Variants in XRN2 observed in about 807,000 individuals in gnomAD.
XRN2 encodes the protein DHM1-like protein.
Under a neutral mutation model 138.5 loss-of-function variants are expected in XRN2, and 44 were observed. That is an observed-to-expected ratio of 0.32 (90% CI 0.25 to 0.41). XRN2 has a LOEUF of 0.41. XRN2 is among the 10% of genes least tolerant of loss of function. XRN2 has a pLI of 1.00. For synonymous variants in XRN2, 354 were observed against 369.4 expected, an observed-to-expected ratio of 0.96 and a Z score of 0.48; for missense variants, 937 against 1,169.3, an observed-to-expected ratio of 0.80 and a Z score of 2.90.
chr20:21,348,410 C>T lies in XRN2; in HGVS notation c.1843C>T (p.Arg615Trp), dbSNP rs753036714. 36 of 1,613,802 alleles carry T rather than the reference C, an allele frequency of 2.2e-5. No individual in the cohort carries two copies. Among genetic ancestry groups the T allele is most frequent in the Non-Finnish European group, 2.7e-5 (32 of 1,179,922 alleles). Residue 615 changes from arginine (R) to tryptophan (W), a missense_variant, in exon 19 of 30, where the codon CGG (arginine) becomes TGG (tryptophan). Arg to Trp is a moderately radical substitution (Grantham distance 101, BLOSUM62 -3). Coordinates refer to ENST00000377191, the MANE Select transcript of XRN2 (RefSeq NM_012255.5). ...ASGNFLPPSW[R>W]KLMSDPDSSI... ...TGGTAATTTTCTACCTCCATCATGGCGGAAGCTCATGAGTGATCCTGTGAG... is the reference window on the plus strand; with the variant it reads ...TGGTAATTTTCTACCTCCATCATGGTGGAAGCTCATGAGTGATCCTGTGAG...
At chr20:21,346,608 TTTC>T in intron 17 of XRN2, 58 bp downstream of exon 17, 1 of 1,574,400 alleles carries the variant, frequency 6.4e-7, no homozygotes, top group Non-Finnish European at 8.6e-7. Context: ...AAAATAGTAA[TTTC>T]TTTTTTTTTG....
chr20:21,306,292 G>A (rs1944335438), intron 1 of XRN2, among the ~76,000 whole-genome samples: 1 of 73,022 alleles, frequency 1.4e-5, no homozygotes, highest in African/African-American at 3.8e-5. Flanking sequence ...GCGCCACCAC[G>A]CCCGGCTAAT....
rs527678587 is a variant in XRN2, at chr20:21,304,186, A to G, written c.75+713A>G. Among the ~76,000 whole-genome samples the G allele has an allele frequency of 7.9e-5, 12 of 152,212 alleles. No homozygotes were observed. The South Asian group carries it at 1.0e-3, about 13-fold the overall frequency. The stretch of plus-strand genomic sequence containing the variant: ...TTAATACGTAAGTAGATTTTTGGCC[A>G]TTATTGAGTTTTGTTTTTATTGTTT... On this transcript the variant is annotated intron_variant, in intron 1 of 29. Coordinates refer to ENST00000377191, the MANE Select transcript of XRN2 (RefSeq NM_012255.5).
chr20:21,343,375 C>T (rs925952980), intron 15 of XRN2, among the ~76,000 whole-genome samples: 2 of 151,864 alleles, frequency 1.3e-5, no homozygotes, highest in Non-Finnish European at 1.5e-5. Flanking sequence ...GAAGATAATA[C>T]TGAATTTAAA....
rs544284575 is a variant in XRN2, at chr20:21,362,656, C to A, written c.2256-2765C>A. Among the ~76,000 whole-genome samples, 5 of 152,302 alleles carry A rather than the reference C, an allele frequency of 3.3e-5. No homozygotes were observed. In the South Asian group the frequency reaches 6.2e-4, roughly 19 times the overall value. ...TTGCAAAGGCATCACATTATACTCACACAAACCCTCCATGACCATAACCCA... is the reference window on the plus strand; with the variant it reads ...TTGCAAAGGCATCACATTATACTCAAACAAACCCTCCATGACCATAACCCA... On this transcript the variant is annotated intron_variant, in intron 24 of 29. Transcript: ENST00000377191.
intron 6 of XRN2, among the ~76,000 whole-genome samples, 156 bp from the exon 7 acceptor site, chr20:21,331,405 A>T (rs2038206163): frequency 7.0e-6 from 1 of 142,588 alleles, no homozygotes; most frequent in East Asian, 3.2e-4. Flanking sequence ...TTTTTCACAC[A>T]CACACACACA....
intron 1 of XRN2, among the ~76,000 whole-genome samples, chr20:21,318,365 C>CAA (rs2037989891): frequency 6.6e-6 from 1 of 152,090 alleles, no homozygotes; most frequent in Non-Finnish European, 1.5e-5. Flanking sequence ...CCTTTTTAAA[C>CAA]AACTAGCTTT....
chr20:21,386,446 A>G (rs926497788), intron 28 of XRN2, among the ~76,000 whole-genome samples: 18 of 152,266 alleles, frequency 1.2e-4, no homozygotes, highest in African/African-American at 4.3e-4. Context: ...GCAATTAAGT[A>G]GAAAGAATGG....
chr20:21,332,018 T>G (rs1345550360), intron 8 of XRN2, among the ~76,000 whole-genome samples, 200 bp downstream of exon 8: 1 of 152,214 alleles, frequency 6.6e-6, no homozygotes, highest in Non-Finnish European at 1.5e-5. Context: ...TTTCTTACAT[T>G]TTTCAACCTT....
chr20:21,366,707 A>G (rs2038708928), intron 26 of XRN2, among the ~76,000 whole-genome samples: 1 of 152,208 alleles, frequency 6.6e-6, no homozygotes, highest in Admixed American at 6.5e-5. Context: ...GTGGAGCTCC[A>G]TCTTTAAAAC....
Position 21,356,643 on chromosome 20 carries a change from G to A in XRN2, c.2176G>A (p.Glu726Lys), listed in dbSNP as rs769786054. Residue 726 changes from glutamate to lysine, a missense_variant, in exon 23 of 30, where the codon GAA (glutamate) becomes AAA (lysine). Physicochemically the swap from Glu to Lys is moderately conservative, Grantham distance 56. This residue lies in a region of XRN2 where 372 missense variants were observed against 414.4 expected (regional missense o/e 0.90). Transcript: ENST00000377191. ...GATTCAAGGAAAGTTTTCTTTGGATGAAGAAGCCATTCTTCCAGATCAGTA... is the reference window on the plus strand; with the variant it reads ...GATTCAAGGAAAGTTTTCTTTGGATAAAGAAGCCATTCTTCCAGATCAGTA... ...HGIQGKFSLD[E>K]EAILPDQIVC... is the part of the protein sequence containing the mutation. 2 of 1,613,606 alleles carry A rather than the reference G, an allele frequency of 1.2e-6. No homozygotes were observed. The highest frequency in any genetic ancestry group is 1.7e-6 in the Non-Finnish European group (2 of 1,179,662).
intron 20 of XRN2, among the ~76,000 whole-genome samples, chr20:21,352,344 T>A (rs1357811151): frequency 2.0e-5 from 3 of 151,908 alleles, no homozygotes; most frequent in Non-Finnish European, 2.9e-5. Flanking sequence ...TTTTTTTTTT[T>A]AAAGACAGAG....
chr20:21,315,141 CCTCA>C (rs1171698558), intron 1 of XRN2, among the ~76,000 whole-genome samples: 1 of 152,202 alleles, frequency 6.6e-6, no homozygotes, highest in African/African-American at 2.4e-5. Context: ...GCAGTTGCGC[CCTCA>C]CTCAAGATGT....
chr20:21,339,180 A>T (rs41279024), intron 14 of XRN2, 92 bp downstream of exon 14: 26,647 of 1,314,152 alleles, frequency 0.02, 391 homozygotes, highest in South Asian at 0.029. Context: ...TTCCTTGTCC[A>T]GTAGGACTTA....
At chr20:21,369,607 T>G (rs1452460111) in intron 27 of XRN2, among the ~76,000 whole-genome samples, 1 of 152,248 alleles carries the variant, frequency 6.6e-6, no homozygotes, top group Non-Finnish European at 1.5e-5. Context: ...TGATTTTCAT[T>G]TCTCTGATCA....
intron 24 of XRN2, among the ~76,000 whole-genome samples, chr20:21,359,999 C>T (rs1233875479): frequency 6.6e-6 from 1 of 151,960 alleles, no homozygotes; most frequent in African/African-American, 2.4e-5. Flanking sequence ...ATCTGTAGTG[C>T]TCAGAAAGTA....
chr20:21,339,653 T>G (rs2038345778), intron 14 of XRN2, among the ~76,000 whole-genome samples: 1 of 152,172 alleles, frequency 6.6e-6, no homozygotes, highest in Non-Finnish European at 1.5e-5. Context: ...TCTGAATGGA[T>G]TTTTGACTTT....
At chr20:21,371,297 T>G (rs1379011965) in intron 27 of XRN2, among the ~76,000 whole-genome samples, 1 of 152,138 alleles carries the variant, frequency 6.6e-6, no homozygotes, top group Non-Finnish European at 1.5e-5. Flanking sequence ...GGCCCTCTGT[T>G]TTTAGTGTAT....
At chr20:21,361,942 G>A (rs1220145496) in intron 24 of XRN2, among the ~76,000 whole-genome samples, 8 of 152,206 alleles carry the variant, frequency 5.3e-5, no homozygotes, top group Admixed American at 2.6e-4. Flanking sequence ...AGGAGAGAGT[G>A]TGTCTTCAAA....
Sources: gnomAD v4.1 joint callset for allele counts (sites outside exome capture counted in the v4.1 genomes callset) on GRCh38, gnomAD v4.1.1 for gene constraint, gnomAD v4.1.1 regional missense constraint, MANE v1.5 for transcripts, NCBI Gene and HGNC (gene_info 2026-07-23, HGNC 2026-07-21) for gene names.